The following RP1 variants were observed in gnomAD, a reference collection of about 807,000 sequenced individuals.
RP1 encodes RP1 axonemal microtubule associated, also known as oxygen-regulated protein 1.
RP1 carries 16 observed loss-of-function variants against 14.8 expected under a neutral mutation model. The ratio of observed to expected loss-of-function variants is 1.08; its 90% CI spans 0.73 to 1.65. RP1 has a LOEUF of 1.65. RP1 is among the 40% of genes most tolerant of loss of function. The pLI is 0.00. For synonymous variants in RP1, 876 were observed against 883.6 expected (o/e 0.99, Z 0.15); for missense variants, 2,631 against 2,535.0 (o/e 1.04, Z -0.81).
chr8:54,593,796 G>C (rs1010879295), intron 1 of RP1, among the ~76,000 whole-genome samples: 4 of 152,218 alleles, frequency 2.6e-5, no homozygotes, highest in African/African-American at 9.6e-5. Flanking sequence ...GGTCTGACTG[G>C]GCTGAAGCAA....
In RP1 at chr8:54,854,192, C is replaced by T. The variant is rs149212724; in HGVS notation, c.3990+1464C>T. 6.0e-4 allele frequency among the ~76,000 whole-genome samples: 91 copies of T among 152,222 alleles called. 1 individual carries two copies. In the East Asian group the frequency reaches 0.017, roughly 28 times the overall value. On this transcript the variant is annotated intron_variant, in intron 26 of 28. Coordinates refer to the RP1 transcript ENST00000637698. Reference sequence around the variant, plus strand: ...ATTTATGTGGAAATGCAGTCAAATACACCTAAAATAATGTTGAAGAAGAAA... The same window carrying T: ...ATTTATGTGGAAATGCAGTCAAATATACCTAAAATAATGTTGAAGAAGAAA...
chr8:54,563,530 G>GTA (rs1804332161), intron 1 of RP1, among the ~76,000 whole-genome samples: 1 of 151,636 alleles, frequency 6.6e-6, no homozygotes, highest in African/African-American at 2.4e-5. Flanking sequence ...CTATTTGTGT[G>GTA]TGTGTGTGTG....
intron 15 of RP1, among the ~76,000 whole-genome samples, chr8:54,708,484 G>A (rs1358635708): frequency 1.3e-5 from 2 of 152,040 alleles, no homozygotes; most frequent in Non-Finnish European, 2.9e-5. Context: ...AATCTCCAGA[G>A]TAGGGACTAC....
intron 3 of RP1, among the ~76,000 whole-genome samples, chr8:54,646,736 C>CT (rs1806558555): frequency 6.6e-6 from 1 of 152,162 alleles, no homozygotes; most frequent in African/African-American, 2.4e-5. Context: ...CATTCTTTCA[C>CT]TTTTCAGCCT....
At chr8:54,669,333 T>G (rs967147680) in intron 7 of RP1, among the ~76,000 whole-genome samples, 2 of 152,104 alleles carry the variant, frequency 1.3e-5, no homozygotes, top group African/African-American at 4.8e-5. Context: ...TGAGATACCA[T>G]CTCACACCAG....
intron 23 of RP1, chr8:54,780,878 C>G (rs1810169712): frequency 1.7e-5 from 17 of 976,908 alleles, no homozygotes; most frequent in Non-Finnish European, 1.9e-5. Flanking sequence ...TTTACATATA[C>G]TGATTGCACG....
At chr8:54,669,689 C>G (rs971436834) in intron 7 of RP1, among the ~76,000 whole-genome samples, 5 of 152,100 alleles carry the variant, frequency 3.3e-5, no homozygotes, top group Non-Finnish European at 7.4e-5. Flanking sequence ...ATGGAATACT[C>G]TGCAGCCATA....
intron 3 of RP1, among the ~76,000 whole-genome samples, chr8:54,645,202 T>C (rs988370359): frequency 2.0e-5 from 3 of 152,198 alleles, no homozygotes; most frequent in African/African-American, 7.2e-5. Flanking sequence ...TGAAAATTCA[T>C]GTACAAGTTT....
chr8:54,646,797 C>T (rs534706799), intron 3 of RP1, among the ~76,000 whole-genome samples: 51 of 152,066 alleles, frequency 3.4e-4, no homozygotes, highest in South Asian at 1.9e-3. Flanking sequence ...TGATTTGTTC[C>T]GTGCATTTTT....
chr8:54,660,857 T>C (rs1806873451), intron 6 of RP1, among the ~76,000 whole-genome samples: 1 of 152,144 alleles, frequency 6.6e-6, no homozygotes, highest in Admixed American at 6.6e-5. Context: ...ATATTTGTCT[T>C]TTAAGTTCTT....
intron 24 of RP1, among the ~76,000 whole-genome samples, chr8:54,825,431 T>C (rs62516281): frequency 0.31 from 47,891 of 152,038 alleles, 7,709 homozygotes; most frequent in South Asian, 0.37. Context: ...TCTTTAGACA[T>C]AAAAACATGA....
At chr8:54,723,212 G>C (rs796416842) in intron 16 of RP1, among the ~76,000 whole-genome samples, 9 of 152,324 alleles carry the variant, frequency 5.9e-5, no homozygotes, top group African/African-American at 2.2e-4. Flanking sequence ...AAGATGCTTA[G>C]AATAGTGTCT....
intron 17 of RP1, among the ~76,000 whole-genome samples, chr8:54,733,034 T>C (rs1440791574): frequency 6.6e-6 from 1 of 152,126 alleles, no homozygotes; most frequent in Non-Finnish European, 1.5e-5. Flanking sequence ...TGATGATGAA[T>C]GTTAAGTGCT....
At chr8:54,799,074 A>G (rs1463243304) in intron 24 of RP1, among the ~76,000 whole-genome samples, 3 of 151,970 alleles carry the variant, frequency 2.0e-5, no homozygotes, top group Non-Finnish European at 4.4e-5. Flanking sequence ...ATAAATGCCT[A>G]TGCATTTTGA....
At position 54,756,952 on chromosome 8, in the gene RP1, G is replaced by A. The variant is rs147719386; in HGVS notation, c.3093+1182G>A. Among the ~76,000 whole-genome samples the A allele has an allele frequency of 2.6e-3, 391 of 152,244 alleles. 7 individuals carry two copies. The highest frequency in any genetic ancestry group is 0.023 in the Admixed American group (346 of 15,298). ...GTATTGTGGATTGAAATTAAAATTG[G>A]GTAGGAGATATAGTTGCAATCAGTG... is the stretch of plus-strand genomic sequence containing the variant. On this transcript the variant is annotated intron_variant, in intron 21 of 22. Coordinates refer to the RP1 transcript ENST00000636932.
chr8:54,611,278 A>T (rs1193973396), upstream of RP1, among the ~76,000 whole-genome samples: 1 of 152,116 alleles, frequency 6.6e-6, no homozygotes, highest in East Asian at 1.9e-4. Flanking sequence ...TTCTTCAAAT[A>T]TCTCTGCCCT....
intron 1 of RP1, among the ~76,000 whole-genome samples, chr8:54,589,959 T>C (rs1805011744): frequency 6.6e-6 from 1 of 152,154 alleles, no homozygotes; most frequent in South Asian, 2.1e-4. Context: ...TATCCTTTTT[T>C]CCTTGAACCT....
intron 24 of RP1, among the ~76,000 whole-genome samples, chr8:54,811,353 C>G (rs953233455): frequency 2.6e-5 from 4 of 152,204 alleles, no homozygotes; most frequent in African/African-American, 4.8e-5. Flanking sequence ...ATTATCAACA[C>G]TATTTGTAAT....
chr8:54,741,642 A>G (rs1018937119), intron 19 of RP1, among the ~76,000 whole-genome samples: 1 of 148,258 alleles, frequency 6.7e-6, no homozygotes, highest in Non-Finnish European at 1.5e-5. Context: ...CAACACATGA[A>G]TATATATAAA....
Sources: allele counts gnomAD v4.1 joint callset (sites outside exome capture counted in the v4.1 genomes callset), GRCh38; gene constraint gnomAD v4.1.1; transcripts MANE v1.5; gene names NCBI Gene and HGNC (gene_info 2026-07-23, HGNC 2026-07-21).